The following IL37 variants were observed in gnomAD, a reference collection of about 807,000 sequenced individuals.
IL37 encodes the protein interleukin-37.
In IL37, 15 loss-of-function variants were observed where a neutral mutation model predicts 15.4. That is an observed-to-expected ratio of 0.98 (90% CI 0.65 to 1.50). The LOEUF is 1.50. Ranked by LOEUF, IL37 falls within the 40% of genes most tolerant of loss-of-function variation. IL37 has a pLI of 0.00. For synonymous variants in IL37, 98 were observed against 97.4 expected, an observed-to-expected ratio of 1.01 and a Z score of -0.03; for missense variants, 269 against 261.7, an observed-to-expected ratio of 1.03 and a Z score of -0.19.
chr2:112,913,825 G>A lies in IL37; in HGVS notation c.116G>A (p.Ser39Asn). 2 of 1,613,520 alleles carry A rather than the reference G, an allele frequency of 1.2e-6. No homozygotes were observed. Among genetic ancestry groups the A allele is most frequent in the Non-Finnish European group, 1.7e-6 (2 of 1,179,564 alleles). ...PAGSPLEPGPSLPTMNFVHTS... is the reference protein window; with the variant it reads ...PAGSPLEPGPNLPTMNFVHTS... Reference sequence around the variant, plus strand: ...GGAAGCCCCCTGGAACCAGGCCCAAGCCTCCCCACCATGAATTTTGTTCAC... The same window carrying A: ...GGAAGCCCCCTGGAACCAGGCCCAAACCTCCCCACCATGAATTTTGTTCAC... Residue 39 changes from serine to asparagine, a missense_variant, in exon 3 of 6, where the codon AGC (serine) becomes AAC (asparagine). Ser to Asn is a conservative substitution (Grantham distance 46). Transcript: ENST00000263326.
At chr2:112,913,648 A>G in intron 2 of IL37, 144 bp from the exon 3 acceptor site, 1 of 704,254 alleles carries the variant, frequency 1.4e-6, no homozygotes, top group Non-Finnish European at 2.5e-6. Context: ...TGAAGAGGGA[A>G]GCTATGATTT....
chr2:112,918,179 A>G (rs959882572), intron 5 of IL37, among the ~76,000 whole-genome samples: 4 of 112,364 alleles, frequency 3.6e-5, no homozygotes, highest in African/African-American at 1.2e-4. Flanking sequence ...CTGCCCTGCA[A>G]ATTTAGTCCT....
intron 2 of IL37, 47 bp from the exon 3 acceptor site, chr2:112,913,745 T>C: frequency 6.5e-7 from 1 of 1,531,296 alleles, no homozygotes; most frequent in African/African-American, 1.3e-5. Context: ...CCTAAATCCT[T>C]GGAAAATCCG....
In IL37 at chr2:112,911,179, G is replaced by A. The variant is rs1039951497; in HGVS notation, c.-120G>A. ...CTAGCTCCTTCAAGTAAAGGATCCT[G>A]AGAACTGAAGGCAAACAGAGCTCCA... On this transcript the variant is annotated 5_prime_UTR_variant, in exon 1 of 6. Transcript: ENST00000263326. 6.6e-6 allele frequency among the ~76,000 whole-genome samples: 1 copy of A among 152,204 alleles called. No individual in the cohort carries two copies. The highest frequency in any genetic ancestry group is 6.5e-5 in the Admixed American group (1 of 15,280).
At position 112,913,827 on chromosome 2, in the gene IL37, C is replaced by G. The variant is rs1324088158; in HGVS notation, c.118C>G (p.Leu40Val). Residue 40 changes from leucine (L) to valine (V), a missense_variant, in exon 3 of 6, where the codon CTC becomes GTC. By Grantham distance (32) the Leu-to-Val change is conservative (BLOSUM62 1). Coordinates refer to ENST00000263326, the MANE Select transcript of IL37 (RefSeq NM_014439.4). ...AAGCCCCCTGGAACCAGGCCCAAGC[C>G]TCCCCACCATGAATTTTGTTCACAC... Reference protein sequence around the residue: ...AGSPLEPGPSLPTMNFVHTSP... With the variant: ...AGSPLEPGPSVPTMNFVHTSP... 2 of 1,613,614 alleles carry G rather than the reference C, an allele frequency of 1.2e-6. No homozygotes were observed. The highest frequency in any genetic ancestry group is 3.3e-5 in the Admixed American group (2 of 60,016).
intron 3 of IL37, 78 bp from the exon 4 acceptor site, chr2:112,917,051 G>T: frequency 6.5e-7 from 1 of 1,545,428 alleles, no homozygotes; most frequent in South Asian, 1.2e-5. Flanking sequence ...TAGGGCTGGG[G>T]CCCTTGGACG....
At chr2:112,916,435 C>A (rs949388191) in intron 3 of IL37, among the ~76,000 whole-genome samples, 7 of 152,160 alleles carry the variant, frequency 4.6e-5, no homozygotes, top group Admixed American at 6.5e-5. Flanking sequence ...GCCCTAAGAA[C>A]CCTCTGAGCA....
At chr2:112,916,987 T>C in intron 3 of IL37, 142 bp from the exon 4 acceptor site, 1 of 878,384 alleles carries the variant, frequency 1.1e-6, no homozygotes, top group South Asian at 1.8e-5. Context: ...AGCCTGGGAG[T>C]GGAAGAAATA....
rs573515140 is a variant in IL37, at chr2:112,918,051, G to C, written c.408+274G>C. Among the ~76,000 whole-genome samples, 14 of 152,292 alleles carry C rather than the reference G, an allele frequency of 9.2e-5. 1 individual carries two copies. Among genetic ancestry groups the C allele is most frequent in the Admixed American group, 7.8e-4 (12 of 15,298 alleles). On this transcript the variant is annotated intron_variant, in intron 5 of 5. Coordinates refer to ENST00000263326, the MANE Select transcript of IL37 (RefSeq NM_014439.4). ...GGGCTCACTGGTCCTGGCCCTGGGC[G>C]GGTGGCGGTCCCCTCCTGCTGTGGC... is the stretch of plus-strand genomic sequence containing the variant.
In IL37 at chr2:112,917,636, G is replaced by A; in HGVS notation, c.267G>A (p.Glu89=). ...CATGTTCTGACTGTCTTTTTCCAGA[G>A]ATCTTCTTTGCATTAGCCTCATCCT... is the stretch of plus-strand genomic sequence containing the variant. ...AVPDKNYIRP[E]IFFALASSLS... is the part of the protein sequence containing the mutation. Residue 89 remains glutamate, a splice_region_variant and synonymous_variant, in exon 5 of 6, where the codon GAG becomes GAA. Coordinates refer to ENST00000263326, the MANE Select transcript of IL37 (RefSeq NM_014439.4). The A allele has an allele frequency of 1.3e-6, 2 of 1,564,070 alleles. No individual in the cohort carries two copies. Among genetic ancestry groups the A allele is most frequent in the Non-Finnish European group, 1.7e-6 (2 of 1,157,430 alleles).
At chr2:112,915,352 G>C in intron 3 of IL37, 2 of 1,057,990 alleles carry the variant, frequency 1.9e-6, no homozygotes, top group South Asian at 2.8e-5. Context: ...AATCTCAGGA[G>C]TGTGAGGCCC....
At chr2:112,914,834 C>T (rs1201253857) in intron 3 of IL37, among the ~76,000 whole-genome samples, 6 of 152,168 alleles carry the variant, frequency 3.9e-5, no homozygotes, top group South Asian at 2.1e-4. Flanking sequence ...GCAGCATCAG[C>T]GCCTAGAAGT....
intron 1 of IL37, among the ~76,000 whole-genome samples, chr2:112,911,450 C>T (rs1479919270): frequency 6.6e-6 from 1 of 152,208 alleles, no homozygotes; most frequent in Non-Finnish European, 1.5e-5. Flanking sequence ...CTTCCACTAA[C>T]AAGTAGGGCA....
chr2:112,916,807 A>G (rs989304383), intron 3 of IL37, among the ~76,000 whole-genome samples: 9 of 152,210 alleles, frequency 5.9e-5, no homozygotes, highest in Non-Finnish European at 1.2e-4. Flanking sequence ...TCCTCTCTCA[A>G]GTAGGTGCTG....
At chr2:112,912,126 A>G (rs1296887222) in intron 1 of IL37, among the ~76,000 whole-genome samples, 1 of 152,174 alleles carries the variant, frequency 6.6e-6, no homozygotes, top group Non-Finnish European at 1.5e-5. Flanking sequence ...CAAACTGCCT[A>G]TCTCTGCAAT....
At chr2:112,913,133 T>C (rs1429077145) in intron 2 of IL37, 39 bp downstream of exon 2, 1 of 1,372,864 alleles carries the variant, frequency 7.3e-7, no homozygotes, top group Admixed American at 2.6e-5. Flanking sequence ...GGCCAAAGTG[T>C]AATTCCTAGA....
intron 3 of IL37, among the ~76,000 whole-genome samples, chr2:112,916,615 T>A (rs1051128692): frequency 2.0e-5 from 3 of 152,188 alleles, no homozygotes; most frequent in Non-Finnish European, 4.4e-5. Flanking sequence ...TCCCTTAGCC[T>A]GGCCAGTGCA....
Position 112,917,751 on chromosome 2 carries a change from C to A in IL37, c.382C>A (p.Gln128Lys). Residue 128 changes from glutamine (Q) to lysine (K), a missense_variant, in exon 5 of 6, where the codon CAA (glutamine) becomes AAA (lysine). Coordinates refer to ENST00000263326, the MANE Select transcript of IL37 (RefSeq NM_014439.4). Reference protein sequence around the residue: ...FCLYCDKDKGQSHPSLQLKKE... With the variant: ...FCLYCDKDKGKSHPSLQLKKE... ...TCTCTACTGTGACAAGGATAAAGGA[C>A]AAAGTCATCCATCCCTTCAGCTGAA... 3.1e-6 allele frequency: 5 copies of A among 1,614,178 alleles called. No individual in the cohort carries two copies. Among genetic ancestry groups the A allele is most frequent in the Non-Finnish European group, 4.2e-6 (5 of 1,180,016 alleles).
At chr2:112,917,291 G>A in intron 4 of IL37, 43 bp downstream of exon 4, 13 of 1,608,026 alleles carry the variant, frequency 8.1e-6, no homozygotes, top group Non-Finnish European at 1.0e-5. Flanking sequence ...CCACCTAGCA[G>A]GGGTAAGGCC....
Sources: allele counts gnomAD v4.1 joint callset (sites outside exome capture counted in the v4.1 genomes callset), GRCh38; gene constraint gnomAD v4.1.1; transcripts MANE v1.5; gene names NCBI Gene and HGNC (gene_info 2026-07-23, HGNC 2026-07-21).